PCSK5: variants seen among roughly 807,000 people sequenced by gnomAD.
The protein encoded by PCSK5 is prohormone convertase 5.
Under a neutral mutation model 233.2 loss-of-function variants are expected in PCSK5, and 129 were observed. That is an observed-to-expected ratio of 0.55 (90% CI 0.48 to 0.64). The LOEUF is 0.64. Ranked by LOEUF, PCSK5 falls within the 30% of genes least tolerant of loss-of-function variation. The pLI is 0.00. For synonymous variants in PCSK5, 825 were observed against 879.2 expected (o/e 0.94, Z 1.09); for missense variants, 2,076 against 2,430.1 (o/e 0.85, Z 3.06).
At chr9:76,355,818 C>T (rs1486583996) in intron 37 of PCSK5, among the ~76,000 whole-genome samples, 1 of 152,026 alleles carries the variant, frequency 6.6e-6, no homozygotes, top group African/African-American at 2.4e-5. Flanking sequence ...ATTCTTCTAC[C>T]TCAGCCTCCA....
At chr9:76,084,179 TATC>T (rs1375769933) in intron 7 of PCSK5, among the ~76,000 whole-genome samples, 2 of 152,354 alleles carry the variant, frequency 1.3e-5, no homozygotes, top group African/African-American at 4.8e-5. Context: ...CCCAATATAA[TATC>T]ATCCATTTTG....
intron 5 of PCSK5, among the ~76,000 whole-genome samples, chr9:76,051,796 AT>A (rs1829639555): frequency 6.6e-6 from 1 of 152,170 alleles, no homozygotes; most frequent in Non-Finnish European, 1.5e-5. Flanking sequence ...CCAGTCCTCT[AT>A]TTGTGGTGGA....
rs1830452220 is a variant in PCSK5, at chr9:76,362,876, G to A, written c.*3954G>A. ...CTCACGTGGACCCCCTTAGAGTTGT[G>A]AGCCCTTAAAAGGGACAGGAATTGC... On this transcript the variant is annotated 3_prime_UTR_variant, in exon 38 of 38. Transcript: ENST00000674117. Among the ~76,000 whole-genome samples, 1 of 152,120 alleles carries A rather than the reference G, an allele frequency of 6.6e-6. No homozygotes were observed. Among genetic ancestry groups the A allele is most frequent in the African/African-American group, 2.4e-5 (1 of 41,418 alleles).
chr9:75,949,094 G>T (rs977794895), intron 2 of PCSK5, among the ~76,000 whole-genome samples: 1 of 148,602 alleles, frequency 6.7e-6, no homozygotes, highest in African/African-American at 2.5e-5. Flanking sequence ...TTGTATCTAG[G>T]ATGCTAGATA....
At chr9:76,222,635 T>C (rs1259914423) in intron 20 of PCSK5, among the ~76,000 whole-genome samples, 1 of 152,256 alleles carries the variant, frequency 6.6e-6, no homozygotes, top group Admixed American at 6.5e-5. Flanking sequence ...TTTAGCATAG[T>C]GTCTTCAAGG....
At chr9:76,299,521 A>G (rs1198876525) in intron 27 of PCSK5, among the ~76,000 whole-genome samples, 2 of 152,036 alleles carry the variant, frequency 1.3e-5, no homozygotes, top group African/African-American at 4.8e-5. Flanking sequence ...ATACAAAAAA[A>G]ATTAGCCGGG....
At chr9:76,271,666 T>C (rs1827516699) in intron 24 of PCSK5, among the ~76,000 whole-genome samples, 1 of 151,594 alleles carries the variant, frequency 6.6e-6, no homozygotes, top group Non-Finnish European at 1.5e-5. Context: ...CAAGACCCCA[T>C]TTCTAAAAAA....
At chr9:76,026,185 A>G (rs1828417743) in intron 4 of PCSK5, among the ~76,000 whole-genome samples, 1 of 152,224 alleles carries the variant, frequency 6.6e-6, no homozygotes, top group Non-Finnish European at 1.5e-5. Flanking sequence ...ATCAATTGTA[A>G]CTAGTAATTT....
chr9:76,219,957 G>A (rs772985495), intron 20 of PCSK5, among the ~76,000 whole-genome samples: 42 of 152,084 alleles, frequency 2.8e-4, no homozygotes, highest in Non-Finnish European at 5.7e-4. Context: ...CACCACTAGG[G>A]TGGGCCCTCT....
At chr9:76,188,803 G>A (rs1332939044) in intron 18 of PCSK5, 128 bp downstream of exon 18, 4 of 701,114 alleles carry the variant, frequency 5.7e-6, no homozygotes, top group South Asian at 1.8e-5. Context: ...TTTCTCGTTT[G>A]ATAATTGTGT....
chr9:75,929,716 G>A (rs1179847073), intron 1 of PCSK5, among the ~76,000 whole-genome samples: 1 of 152,098 alleles, frequency 6.6e-6, no homozygotes, highest in African/African-American at 2.4e-5. Context: ...AAAGGAAAGA[G>A]GTTTAATGGA....
intron 22 of PCSK5, among the ~76,000 whole-genome samples, chr9:76,237,925 C>T (rs1439473623): frequency 6.6e-6 from 1 of 152,236 alleles, no homozygotes; most frequent in East Asian, 1.9e-4. Context: ...CTCTCAGTTT[C>T]TGCACTTGCA....
At chr9:76,145,368 G>A (rs578237278) in intron 10 of PCSK5, among the ~76,000 whole-genome samples, 6 of 152,238 alleles carry the variant, frequency 3.9e-5, no homozygotes, top group African/African-American at 1.4e-4. Flanking sequence ...TGGAGTGCTT[G>A]TAAACATTGG....
chr9:76,302,021 T>C, intron 27 of PCSK5, 116 bp from the exon 28 acceptor site: 1 of 408,240 alleles, frequency 2.4e-6, no homozygotes, highest in South Asian at 1.9e-5. Context: ...GAGACATCCA[T>C]GTACCACAGT....
At chr9:76,056,910 T>G (rs910767408) in intron 5 of PCSK5, among the ~76,000 whole-genome samples, 2 of 152,174 alleles carry the variant, frequency 1.3e-5, no homozygotes, top group African/African-American at 4.8e-5. Flanking sequence ...TGGGTTGTCT[T>G]CTGGAAGTCT....
intron 9 of PCSK5, 45 bp from the exon 10 acceptor site, chr9:76,134,064 C>CT (rs376221586): frequency 0.1 from 100,238 of 970,938 alleles, 2,656 homozygotes; most frequent in African/African-American, 0.33. Flanking sequence ...CTTCCCCCAT[C>CT]TTTTTTTTTT....
rs1278910562 is a variant in PCSK5, at chr9:76,312,224, T to C, written c.3884+1373T>C. Among the ~76,000 whole-genome samples the C allele has an allele frequency of 5.3e-5, 8 of 152,148 alleles. No homozygotes were observed. In the East Asian group the frequency reaches 1.5e-3, roughly 29 times the overall value. On this transcript the variant is annotated intron_variant, in intron 30 of 37. Coordinates refer to ENST00000674117, the MANE Select transcript of PCSK5 (RefSeq NM_001372043.1). Reference sequence around the variant, plus strand: ...AAGAATTTGATACAACAACGCCTATTTCCTGGCTGGGCGTGGTGGCTCACG... The same window carrying C: ...AAGAATTTGATACAACAACGCCTATCTCCTGGCTGGGCGTGGTGGCTCACG...
At chr9:75,986,542 G>T (rs1162735938) in intron 3 of PCSK5, among the ~76,000 whole-genome samples, 6 of 152,128 alleles carry the variant, frequency 3.9e-5, no homozygotes, top group African/African-American at 9.7e-5. Flanking sequence ...AGAAAAATAC[G>T]CAAAAGTGCA....
chr9:75,913,070 A>T (rs1822819101), intron 1 of PCSK5, among the ~76,000 whole-genome samples: 1 of 152,196 alleles, frequency 6.6e-6, no homozygotes, highest in South Asian at 2.1e-4. Flanking sequence ...AAGCCTTTAA[A>T]GACACCTTCA....
Sources: gnomAD v4.1 joint callset for allele counts (sites outside exome capture counted in the v4.1 genomes callset) on GRCh38, gnomAD v4.1.1 for gene constraint, MANE v1.5 for transcripts, NCBI Gene and HGNC (gene_info 2026-07-23, HGNC 2026-07-21) for gene names.